The following TFEC variants were observed in gnomAD, a reference collection of about 807,000 sequenced individuals.
TFEC encodes transcription factor EC, also known as class E basic helix-loop-helix protein 34.
A neutral mutation model predicts 41.6 loss-of-function variants in TFEC; 31 were observed. The observed-to-expected ratio is 0.74, with a 90% confidence interval of 0.56 to 1.01. The LOEUF is 1.01. Among genes scored for constraint, TFEC ranks in the 50% least tolerant of loss-of-function variants. The probability of loss-of-function intolerance (pLI) is 0.00; values close to 1 mark genes in which losing one functional copy is unlikely to be tolerated. For synonymous variants in TFEC, 143 were observed against 140.6 expected, an observed-to-expected ratio of 1.02 and a Z score of -0.12; for missense variants, 402 against 404.1, an observed-to-expected ratio of 0.99 and a Z score of 0.04.
chr7:116,044,596 G>GTC (rs1289218387), intron 3 of TFEC, among the ~76,000 whole-genome samples: 2 of 152,126 alleles, frequency 1.3e-5, no homozygotes, highest in African/African-American at 2.4e-5. Context: ...TTTCTTTTCA[G>GTC]TTTTTTGACA....
intron 2 of TFEC, among the ~76,000 whole-genome samples, chr7:115,980,092 GT>G (rs1480033606): frequency 6.6e-6 from 1 of 152,136 alleles, no homozygotes; most frequent in Non-Finnish European, 1.5e-5. Context: ...TCTTACTAAT[GT>G]TTTTGATGAA....
chr7:116,050,042 T>C (rs1293611779), intron 3 of TFEC, among the ~76,000 whole-genome samples: 2 of 151,974 alleles, frequency 1.3e-5, no homozygotes, highest in African/African-American at 4.8e-5. Context: ...GATCTAAAAT[T>C]GACACCCTAA....
chr7:116,121,541 ATAGT>A (rs943760842), intron 1 of TFEC: 4 of 152,062 alleles, frequency 2.6e-5, no homozygotes, highest in African/African-American at 4.8e-5. Context: ...ACACTTTAAA[ATAGT>A]TAAGATGGTG....
intron 3 of TFEC, among the ~76,000 whole-genome samples, chr7:115,958,140 A>G (rs1584584613): frequency 1.3e-5 from 2 of 151,970 alleles, no homozygotes; most frequent in East Asian, 1.9e-4. Context: ...GGGTCTTGGA[A>G]GGGAGCTATA....
intron 3 of TFEC, among the ~76,000 whole-genome samples, chr7:115,959,032 C>T (rs1207950338): frequency 6.6e-6 from 1 of 151,756 alleles, no homozygotes; most frequent in Admixed American, 6.6e-5. Context: ...GTATAAGTAA[C>T]TTAGGTAATA....
chr7:116,076,380 A>G (rs904464698), intron 3 of TFEC, among the ~76,000 whole-genome samples: 6 of 151,992 alleles, frequency 3.9e-5, no homozygotes, highest in Non-Finnish European at 2.9e-5. Context: ...AACACCCCCA[A>G]AAGATCACAC....
chr7:116,030,558 A>T lies in TFEC; in HGVS notation c.-73+75T>A, dbSNP rs151230728. 775 of 894,682 alleles carry T rather than the reference A, an allele frequency of 8.7e-4. 6 individuals carry two copies. In the African/African-American group the frequency reaches 0.013, roughly 15 times the overall value. 55.4% of individuals were successfully genotyped at this position (894,682 alleles called of 1,614,324 possible). A position where few individuals can be genotyped will look rare whatever the true frequency, so the allele number is the denominator to read the frequency against. On this transcript the variant is annotated intron_variant, in intron 1 of 7. Transcript: ENST00000265440. ...TAAGCAAGCCACACATATCAAAATA[A>T]AACAAGTATTGATTAGTTTGTCTTC...
chr7:116,020,013 G>C (rs559203688), intron 1 of TFEC, among the ~76,000 whole-genome samples: 1 of 152,258 alleles, frequency 6.6e-6, no homozygotes, highest in African/African-American at 2.4e-5. Flanking sequence ...TTTGCTATGT[G>C]TCAGGCATGT....
intron 3 of TFEC, among the ~76,000 whole-genome samples, chr7:116,075,663 A>G (rs1796941519): frequency 6.6e-6 from 1 of 151,962 alleles, no homozygotes; most frequent in South Asian, 2.1e-4. Flanking sequence ...GGCAGCCATA[A>G]CCCCTAGGAA....
intron 3 of TFEC, among the ~76,000 whole-genome samples, chr7:116,092,636 C>T (rs889105691): frequency 6.6e-6 from 1 of 152,098 alleles, no homozygotes; most frequent in Non-Finnish European, 1.5e-5. Context: ...GTTGTTCTAA[C>T]AGACTTAAAA....
intron 3 of TFEC, among the ~76,000 whole-genome samples, chr7:116,083,150 T>C (rs781184362): frequency 1.6e-4 from 24 of 152,006 alleles, no homozygotes; most frequent in Non-Finnish European, 2.4e-4. Context: ...TTAATTAGTA[T>C]TTGACTATAA....
At chr7:115,984,584 T>A (rs534350934) in intron 1 of TFEC, 71 bp from the exon 2 acceptor site, 2 of 1,528,554 alleles carry the variant, frequency 1.3e-6, no homozygotes, top group African/African-American at 2.7e-5. Flanking sequence ...CTTTCCACAA[T>A]TGCACTAGGA....
chr7:116,071,302 T>C (rs535846466), intron 3 of TFEC, among the ~76,000 whole-genome samples: 1 of 150,684 alleles, frequency 6.6e-6, no homozygotes, highest in African/African-American at 2.4e-5. Flanking sequence ...CAAATGAAAT[T>C]AGTACAAGAT....
chr7:115,956,925 G>T (rs947627759), intron 3 of TFEC, 132 bp from the exon 4 acceptor site: 10 of 504,548 alleles, frequency 2.0e-5, no homozygotes, highest in Non-Finnish European at 3.1e-5. Flanking sequence ...GGGGCATTTT[G>T]CTTTTAAACA....
intron 5 of TFEC, 53 bp from the exon 6 acceptor site, chr7:115,951,002 T>A: frequency 8.7e-7 from 1 of 1,154,668 alleles, no homozygotes; most frequent in Non-Finnish European, 1.2e-6. Context: ...AGTTCACTTT[T>A]GGTCAGCTGT....
chr7:116,155,962 T>C (rs571273342), intron 1 of TFEC, among the ~76,000 whole-genome samples: 1 of 152,320 alleles, frequency 6.6e-6, no homozygotes, highest in African/African-American at 2.4e-5. Context: ...GGCGTAAATT[T>C]TGATTTTTAA....
chr7:116,099,191 G>A (rs1431231628), intron 3 of TFEC, among the ~76,000 whole-genome samples: 3 of 152,168 alleles, frequency 2.0e-5, no homozygotes, highest in Admixed American at 6.5e-5. Flanking sequence ...TCAAAAATAT[G>A]TAGAGAGAAA....
At chr7:116,064,407 T>C (rs896384565) in intron 3 of TFEC, among the ~76,000 whole-genome samples, 3 of 151,200 alleles carry the variant, frequency 2.0e-5, no homozygotes, top group African/African-American at 2.4e-5. Context: ...TTTAAAAATA[T>C]ATCTTTTAAA....
At chr7:116,098,217 T>G (rs561005550) in intron 3 of TFEC, among the ~76,000 whole-genome samples, 2 of 152,212 alleles carry the variant, frequency 1.3e-5, no homozygotes, top group South Asian at 4.2e-4. Context: ...TGGAGTGCAG[T>G]GTCACGATCT....
Sources: allele counts gnomAD v4.1 joint callset (sites outside exome capture counted in the v4.1 genomes callset), GRCh38; gene constraint gnomAD v4.1.1; transcripts MANE v1.5; gene names NCBI Gene and HGNC (gene_info 2026-07-23, HGNC 2026-07-21).